SUGCT: variants seen among roughly 807,000 people sequenced by gnomAD.
SUGCT encodes succinyl-CoA:glutarate-CoA transferase, also known as succinyl-CoA:glutarate CoA-transferase.
SUGCT carries 41 observed loss-of-function variants against 55.0 expected under a neutral mutation model. The ratio of observed to expected loss-of-function variants is 0.74; its 90% CI spans 0.58 to 0.97. The LOEUF is 0.97. Ranked by LOEUF, SUGCT falls within the 50% of genes least tolerant of loss-of-function variation. The probability of loss-of-function intolerance (pLI) is 0.00; values close to 1 mark genes in which losing one functional copy is unlikely to be tolerated. For synonymous variants in SUGCT, 187 were observed against 200.4 expected (o/e 0.93, Z 0.56); for missense variants, 568 against 547.8 (o/e 1.04, Z -0.37).
In SUGCT at chr7:40,695,812, G is replaced by T. The variant is rs529305432; in HGVS notation, c.1090-53622G>T. 5.6e-4 allele frequency among the ~76,000 whole-genome samples: 85 copies of T among 152,210 alleles called. No individual in the cohort carries two copies. In the South Asian group the frequency reaches 0.017, roughly 31 times the overall value. ...CCTGTCCTCTACTCACTAGATGCCG[G>T]TAGGAACCCCTTCACTCTAGTTTGT... On this transcript the variant is annotated intron_variant, in intron 12 of 13. Transcript: ENST00000335693.
At chr7:40,364,599 T>G (rs1783826972) in intron 9 of SUGCT, among the ~76,000 whole-genome samples, 2 of 152,186 alleles carry the variant, frequency 1.3e-5, no homozygotes, top group Admixed American at 6.5e-5. Flanking sequence ...GATATGAAAT[T>G]CTGGGTTGAA....
intron 9 of SUGCT, among the ~76,000 whole-genome samples, chr7:40,421,752 A>C (rs554723610): frequency 6.6e-6 from 1 of 152,254 alleles, no homozygotes; most frequent in East Asian, 1.9e-4. Context: ...AAGTGGTAAA[A>C]AAATGCTTCC....
intron 9 of SUGCT, among the ~76,000 whole-genome samples, chr7:40,444,893 A>G (rs1480502609): frequency 1.3e-5 from 2 of 152,098 alleles, no homozygotes; most frequent in Non-Finnish European, 1.5e-5. Flanking sequence ...TTTGAGATAC[A>G]TCCCACCAAT....
intron 9 of SUGCT, among the ~76,000 whole-genome samples, chr7:40,382,655 A>T (rs1221624461): frequency 6.6e-6 from 1 of 152,218 alleles, no homozygotes; most frequent in Non-Finnish European, 1.5e-5. Context: ...ATTAAGGCAA[A>T]TGTATTTGTG....
intron 13 of SUGCT, among the ~76,000 whole-genome samples, chr7:40,795,151 A>G (rs1489108845): frequency 6.6e-6 from 1 of 152,088 alleles, no homozygotes; most frequent in Non-Finnish European, 1.5e-5. Context: ...CAGTGGGCTC[A>G]AGCATCTTTG....
At chr7:40,353,617 C>A (rs890064233) in intron 9 of SUGCT, among the ~76,000 whole-genome samples, 4 of 152,080 alleles carry the variant, frequency 2.6e-5, no homozygotes, top group African/African-American at 7.2e-5. Flanking sequence ...CTTTACATCT[C>A]ATTTTAGGGT....
At chr7:40,790,907 G>T (rs1167271080) in intron 13 of SUGCT, among the ~76,000 whole-genome samples, 1 of 152,166 alleles carries the variant, frequency 6.6e-6, no homozygotes. Flanking sequence ...TCTAGTCAAA[G>T]AATATTGCAA....
chr7:40,215,792 G>A (rs1228229235), intron 6 of SUGCT, among the ~76,000 whole-genome samples: 1 of 151,810 alleles, frequency 6.6e-6, no homozygotes, highest in East Asian at 2.0e-4. Flanking sequence ...AACCCGGGAG[G>A]CGGAGCTTGC....
At chr7:40,912,706 T>G in the SUGCT span, among the ~76,000 whole-genome samples, 1 of 151,362 alleles carries the variant, frequency 6.6e-6, no homozygotes, top group African/African-American at 2.4e-5. Flanking sequence ...AACAATTGCT[T>G]CATTACTACA....
intron 1 of SUGCT, chr7:40,153,989 C>T (rs183305831): frequency 3.1e-4 from 85 of 274,198 alleles, no homozygotes; most frequent in Admixed American, 7.5e-4. Context: ...GTACTCAGGA[C>T]GCGAAATGCT....
intron 9 of SUGCT, among the ~76,000 whole-genome samples, chr7:40,375,900 G>A (rs1026880908): frequency 2.0e-5 from 3 of 152,146 alleles, no homozygotes; most frequent in Non-Finnish European, 2.9e-5. Flanking sequence ...ATGAATGGAG[G>A]AATGGTTAGA....
intron 13 of SUGCT, among the ~76,000 whole-genome samples, chr7:40,762,403 C>T (rs756147727): frequency 9.2e-5 from 14 of 152,042 alleles, no homozygotes; most frequent in Non-Finnish European, 1.9e-4. Flanking sequence ...TGACTAGTAG[C>T]GGTGACAGTG....
At chr7:40,576,386 T>G (rs999867291) in intron 12 of SUGCT, among the ~76,000 whole-genome samples, 21 of 152,212 alleles carry the variant, frequency 1.4e-4, no homozygotes, top group African/African-American at 4.6e-4. Flanking sequence ...AGGTCTGCCC[T>G]CACCAGAGGA....
chr7:40,898,480 C>CGGGGGGGGGGGG, the SUGCT span, among the ~76,000 whole-genome samples: 8 of 5,714 alleles, frequency 1.4e-3, 2 homozygotes, highest in Admixed American at 3.1e-3. Context: ...TCCGGGAGGT[C>CGGGGGGGGGGGG]GGGGGGGGGG....
At chr7:40,307,611 T>C (rs905782869) in intron 8 of SUGCT, among the ~76,000 whole-genome samples, 1 of 152,190 alleles carries the variant, frequency 6.6e-6, no homozygotes, top group Non-Finnish European at 1.5e-5. Context: ...TATGATGAGG[T>C]AATTCATGTA....
At chr7:40,767,851 A>T (rs1164015339) in intron 13 of SUGCT, among the ~76,000 whole-genome samples, 1 of 152,238 alleles carries the variant, frequency 6.6e-6, no homozygotes, top group Non-Finnish European at 1.5e-5. Context: ...GAAAAAGCCA[A>T]GAACGAGATG....
intron 11 of SUGCT, among the ~76,000 whole-genome samples, chr7:40,472,928 A>G (rs910120943): frequency 6.6e-6 from 1 of 152,162 alleles, no homozygotes; most frequent in Non-Finnish European, 1.5e-5. Context: ...CTAAATTCTT[A>G]TAATAATGTG....
At chr7:41,037,585 G>A in the SUGCT span, among the ~76,000 whole-genome samples, 631 of 151,356 alleles carry the variant, frequency 4.2e-3, 4 homozygotes, top group African/African-American at 0.014. Flanking sequence ...TAACTAACCT[G>A]GAAAAGTTCA....
At chr7:40,436,612 G>A (rs1788191257) in intron 9 of SUGCT, among the ~76,000 whole-genome samples, 1 of 152,092 alleles carries the variant, frequency 6.6e-6, no homozygotes, top group African/African-American at 2.4e-5. Context: ...GGTAAATGTA[G>A]GCTTTGTCAG....
Sources: allele counts gnomAD v4.1 joint callset (sites outside exome capture counted in the v4.1 genomes callset), GRCh38; gene constraint gnomAD v4.1.1; transcripts MANE v1.5; gene names NCBI Gene and HGNC (gene_info 2026-07-23, HGNC 2026-07-21).